Variants in TOR1B observed in about 807,000 individuals in gnomAD.
TOR1B encodes the protein torsin family 1 member B, also known as torsin-1B.
Under a neutral mutation model 29.2 loss-of-function variants are expected in TOR1B, and 14 were observed. The ratio of observed to expected loss-of-function variants is 0.48; its 90% CI spans 0.32 to 0.75. TOR1B has a LOEUF of 0.75. Ranked by LOEUF, TOR1B falls within the 30% of genes least tolerant of loss-of-function variation. The probability of loss-of-function intolerance (pLI) is 0.04; values close to 1 mark genes in which losing one functional copy is unlikely to be tolerated. For synonymous variants in TOR1B, 166 were observed against 179.8 expected (o/e 0.92, Z 0.62); for missense variants, 400 against 433.9 (o/e 0.92, Z 0.69).
chr9:129,810,309 G>A lies in TOR1B; in HGVS notation c.*726G>A, dbSNP rs866679392. 1.2e-4 allele frequency: 152 copies of A among 1,300,510 alleles called. No individual in the cohort carries two copies. The highest frequency in any genetic ancestry group is 9.2e-4 in the Middle Eastern group (4 of 4,332). 80.6% of individuals were successfully genotyped at this position (1,300,510 alleles called of 1,614,324 possible). ...CTGACCGGAGGATGTGGCCGTGCCC[G>A]CCGAGCACTCTTGATCTGAGCTGAC... is the stretch of plus-strand genomic sequence containing the variant. On this transcript the variant is annotated 3_prime_UTR_variant, in exon 5 of 5. Transcript: ENST00000259339.
chr9:129,810,429 C>T lies in TOR1B; in HGVS notation c.*846C>T. On this transcript the variant is annotated 3_prime_UTR_variant, in exon 5 of 5. Coordinates refer to ENST00000259339, the MANE Select transcript of TOR1B (RefSeq NM_014506.3). ...CCCTCCCGCCTGTCCATCGCTCTAG[C>T]TGCTAATACAGCCCTGGCTGTGGAA... 8.3e-7 allele frequency: 1 copy of T among 1,199,900 alleles called. No homozygotes were observed. Among genetic ancestry groups the T allele is most frequent in the Non-Finnish European group, 1.1e-6 (1 of 937,718 alleles). 74.3% of individuals were successfully genotyped at this position (1,199,900 alleles called of 1,614,324 possible). A position where few individuals can be genotyped will look rare whatever the true frequency, so the allele number is the denominator to read the frequency against.
intron 2 of TOR1B, among the ~76,000 whole-genome samples, chr9:129,805,434 A>G (rs991981571): frequency 3.3e-5 from 5 of 152,140 alleles, no homozygotes; most frequent in Non-Finnish European, 7.3e-5. Flanking sequence ...AAAAAAAGAA[A>G]AAAAAAAAAG....
intron 2 of TOR1B, among the ~76,000 whole-genome samples, chr9:129,804,859 C>T (rs1457967491): frequency 7.4e-6 from 1 of 135,786 alleles, no homozygotes; most frequent in Non-Finnish European, 1.6e-5. Flanking sequence ...AAAAAAAAGG[C>T]CTGGCACAGT....
At position 129,810,825 on chromosome 9, in the gene TOR1B, AAAAC is replaced by A. The variant is rs1564180317; in HGVS notation, c.*1245_*1248del. The A allele has an allele frequency of 6.5e-6, 1 of 153,532 alleles. No individual in the cohort carries two copies. The highest frequency in any genetic ancestry group is 1.5e-5 in the Non-Finnish European group (1 of 68,920). 9.5% of individuals were successfully genotyped at this position (153,532 alleles called of 1,614,324 possible). On this transcript the variant is annotated 3_prime_UTR_variant, in exon 5 of 5. Coordinates refer to ENST00000259339, the MANE Select transcript of TOR1B (RefSeq NM_014506.3). ...GCTTAGTCCTTTCTCAGATACTCTTAAAACAATTTTTTATTGTTAAATTTGTGGT... is the reference window on the plus strand; with the variant it reads ...GCTTAGTCCTTTCTCAGATACTCTTAAATTTTTTATTGTTAAATTTGTGGT...
Position 129,809,474 on chromosome 9 carries a change from A to C in TOR1B, c.902A>C (p.Glu301Ala). The stretch of plus-strand genomic sequence containing the variant: ...AGGGCCCGTGGTTCTGCCATAGATG[A>C]AGACATTGTCACAAGAGTGGCAGAG... ...EMRARGSAID[E>A]DIVTRVAEEM... is the part of the protein sequence containing the mutation. The change falls in exon 5 of 5, where the codon GAA becomes GCA. Residue 301 changes from glutamate (E) to alanine (A), a missense_variant. Transcript: ENST00000259339. The C allele has an allele frequency of 6.2e-7, 1 of 1,614,198 alleles. No homozygotes were observed. The highest frequency in any genetic ancestry group is 8.5e-7 in the Non-Finnish European group (1 of 1,180,032).
At chr9:129,803,531 G>A in intron 1 of TOR1B, 120 bp downstream of exon 1, 1 of 1,138,210 alleles carries the variant, frequency 8.8e-7, no homozygotes, top group Non-Finnish European at 1.1e-6. Context: ...AGACGGCGGT[G>A]GTCCCAGCTG....
rs973349436 is a variant in TOR1B at position 129,807,107 on chromosome 9, T to G, written c.466-81T>G. The G allele has an allele frequency of 2.1e-6, 3 of 1,421,688 alleles. No homozygotes were observed. The African/African-American group carries it at 4.2e-5, about 20-fold the overall frequency. The allele number at this position is 1,421,688 out of a possible 1,614,324, so 88.1% of individuals were successfully genotyped here. On this transcript the variant is annotated intron_variant, in intron 2 of 4. Transcript: ENST00000259339. ...AGCTCTGACCTCGTCCTTCAGTGCATGAGGAGCAGATGGAGCCTGCGCGCC... is the reference window on the plus strand; with the variant it reads ...AGCTCTGACCTCGTCCTTCAGTGCAGGAGGAGCAGATGGAGCCTGCGCGCC...
chr9:129,807,443 A>C (rs2030561629), intron 3 of TOR1B, 80 bp downstream of exon 3: 2 of 1,548,146 alleles, frequency 1.3e-6, no homozygotes, highest in African/African-American at 2.7e-5. Flanking sequence ...GACCATCAGC[A>C]CTTTGTTTAC....
rs1300771015 is a variant in TOR1B, at chr9:129,810,349, G to C, written c.*766G>C. ...TCTGAGCTGACCTGTGTGTGTGTGT[G>C]TGGGGGGGTGGGGCCTTCACCTAAG... On this transcript the variant is annotated 3_prime_UTR_variant, in exon 5 of 5. Transcript: ENST00000259339. 9.2e-6 allele frequency: 10 copies of C among 1,090,810 alleles called. No homozygotes were observed. The highest frequency in any genetic ancestry group is 5.2e-5 in the South Asian group (3 of 57,294). 67.6% of individuals were successfully genotyped at this position (1,090,810 alleles called of 1,614,324 possible). A position where few individuals can be genotyped will look rare whatever the true frequency, so the allele number is the denominator to read the frequency against.
Position 129,803,307 on chromosome 9 carries a change from TAGC to T in TOR1B, c.96_98del (p.Ala33del). On this transcript the variant is annotated inframe_deletion, in exon 1 of 5. Coordinates refer to ENST00000259339, the MANE Select transcript of TOR1B (RefSeq NM_014506.3). ...GCGTTCGAGCCCATCACCGTGGGCC[TAGC>T]CATCGGGGCCGCGTCGGCCATCACC... 6.3e-7 allele frequency: 1 copy of T among 1,589,332 alleles called. No homozygotes were observed. The highest frequency in any genetic ancestry group is 8.5e-7 in the Non-Finnish European group (1 of 1,171,742).
intron 2 of TOR1B, among the ~76,000 whole-genome samples, chr9:129,805,413 C>T (rs1726857945): frequency 6.6e-6 from 1 of 151,232 alleles, no homozygotes; most frequent in Non-Finnish European, 1.5e-5. Context: ...CAGAATGAGA[C>T]TCTGTCTCAA....
At chr9:129,803,447 G>GAGGGGCGC in intron 1 of TOR1B, 36 bp downstream of exon 1, 1 of 1,319,430 alleles carries the variant, frequency 7.6e-7, no homozygotes, top group South Asian at 2.3e-5. Context: ...TCGGCGCTGC[G>GAGGGGCGC]GGGGGCGCGG....
rs2030852753 is a variant in TOR1B, at chr9:129,811,234, A to G, written c.*1651A>G. 1 of 152,124 alleles carries G rather than the reference A, an allele frequency of 6.6e-6. No homozygotes were observed. Among genetic ancestry groups the G allele is most frequent in the African/African-American group, 2.4e-5 (1 of 41,426 alleles). The allele number at this position is 152,124 out of a possible 1,614,324, so 9.4% of individuals were successfully genotyped here. A position where few individuals can be genotyped will look rare whatever the true frequency, so the allele number is the denominator to read the frequency against. ...TTTGGGCATCTGGTCGAGAGAAGAC[A>G]AGATTTTCTCTATTTACAGTGAGGC... On this transcript the variant is annotated 3_prime_UTR_variant, in exon 5 of 5. Transcript: ENST00000259339.
Position 129,804,836 on chromosome 9 carries a change from CAAAAAAA to C in TOR1B, c.465+512_465+518del, listed in dbSNP as rs34803368. Among the ~76,000 whole-genome samples the C allele has an allele frequency of 9.9e-5, 5 of 50,378 alleles. No homozygotes were observed. In the Admixed American group the frequency reaches 1.1e-3, roughly 11 times the overall value. The allele number at this position is 50,378 out of a possible 152,430, so 33.0% of individuals were successfully genotyped here. A position where few individuals can be genotyped will look rare whatever the true frequency, so the allele number is the denominator to read the frequency against. ...GAGATCGCGCCACCGTACTCGGTCT[CAAAAAAA>C]AAAAAAAAAAAAAGGCCTGGCACAG... On this transcript the variant is annotated intron_variant, in intron 2 of 4. Coordinates refer to ENST00000259339, the MANE Select transcript of TOR1B (RefSeq NM_014506.3).
In TOR1B at chr9:129,810,354, G is replaced by A. The variant is rs2287368; in HGVS notation, c.*771G>A. 21 of 1,077,244 alleles carry A rather than the reference G, an allele frequency of 1.9e-5. 3 individuals are homozygous for A. Among genetic ancestry groups the A allele is most frequent in the Middle Eastern group, 7.0e-4 (2 of 2,848 alleles). The allele number at this position is 1,077,244 out of a possible 1,614,324, so 66.7% of individuals were successfully genotyped here. ...GCTGACCTGTGTGTGTGTGTGTGGG[G>A]GGGTGGGGCCTTCACCTAAGACCTC... On this transcript the variant is annotated 3_prime_UTR_variant, in exon 5 of 5. Coordinates refer to ENST00000259339, the MANE Select transcript of TOR1B (RefSeq NM_014506.3).
chr9:129,809,234 A>G, intron 4 of TOR1B, 108 bp from the exon 5 acceptor site: 1 of 1,559,186 alleles, frequency 6.4e-7, no homozygotes, highest in South Asian at 1.2e-5. Flanking sequence ...CACACTGACA[A>G]GAGACTCTCT....
intron 2 of TOR1B, among the ~76,000 whole-genome samples, chr9:129,805,229 C>T (rs1342811436): frequency 6.6e-6 from 1 of 151,574 alleles, no homozygotes; most frequent in African/African-American, 2.4e-5. Context: ...CCAAGGCGGG[C>T]GGATCACCTG....
chr9:129,803,268 C>A lies in TOR1B; in HGVS notation c.56C>A (p.Ala19Asp). 1 of 1,563,066 alleles carries A rather than the reference C, an allele frequency of 6.4e-7. No homozygotes were observed. Residue 19 changes from alanine (A) to aspartate (D), a missense_variant, in exon 1 of 5, where the codon GCC becomes GAC. Coordinates refer to ENST00000259339, the MANE Select transcript of TOR1B (RefSeq NM_014506.3). ...GAAALALLLA[A>D]RVVAAFEPIT... Reference sequence around the variant, plus strand: ...GCGGCGCTGGCGCTGCTGCTGGCGGCCCGAGTGGTGGCGGCGTTCGAGCCC... The same window carrying A: ...GCGGCGCTGGCGCTGCTGCTGGCGGACCGAGTGGTGGCGGCGTTCGAGCCC...
chr9:129,809,368 G>T lies in TOR1B; in HGVS notation c.796G>T (p.Asp266Tyr). 1 of 1,614,098 alleles carries T rather than the reference G, an allele frequency of 6.2e-7. No individual in the cohort carries two copies. The highest frequency in any genetic ancestry group is 1.1e-5 in the South Asian group (1 of 91,034). ...TGGCCTGTGGCACAGTGGACTGATC[G>T]ACAAAAACCTCATTGATTACTTTAT... ...HSGLWHSGLIDKNLIDYFIPF... is the reference protein window; with the variant it reads ...HSGLWHSGLIYKNLIDYFIPF... Residue 266 changes from aspartate (D) to tyrosine (Y), a missense_variant, in exon 5 of 5, where the codon GAC (aspartate) becomes TAC (tyrosine). Physicochemically the swap from Asp to Tyr is radical, Grantham distance 160. Coordinates refer to ENST00000259339, the MANE Select transcript of TOR1B (RefSeq NM_014506.3).
Sources: allele counts gnomAD v4.1 joint callset (sites outside exome capture counted in the v4.1 genomes callset), GRCh38; gene constraint gnomAD v4.1.1; transcripts MANE v1.5; gene names NCBI Gene and HGNC (gene_info 2026-07-23, HGNC 2026-07-21).